Variants in GABRA6 observed in about 807,000 individuals in gnomAD.
GABRA6 encodes gamma-aminobutyric acid receptor subunit alpha-6.
A neutral mutation model predicts 47.3 loss-of-function variants in GABRA6; 45 were observed. The observed-to-expected ratio is 0.95, with a 90% confidence interval of 0.75 to 1.22. The LOEUF (loss-of-function observed/expected upper bound fraction) is 1.22, where lower values mean the gene tolerates loss of function less well. GABRA6 is among the 50% of genes most tolerant of loss of function. The pLI, the probability that GABRA6 is intolerant of heterozygous loss-of-function variation, is 0.00. For missense variants in GABRA6, 583 were observed against 549.3 expected (o/e 1.06, Z -0.61); for synonymous variants, 219 against 194.7 (o/e 1.12, Z -1.04).
At chr5:161,692,232 CG>C (rs1310936324) in intron 8 of GABRA6, 32 bp downstream of exon 8, 5 of 1,613,504 alleles carry the variant, frequency 3.1e-6, no homozygotes, top group African/African-American at 1.3e-5. Context: ...CATTACCTAC[CG>C]TAGGAAAAAG....
intron 8 of GABRA6, among the ~76,000 whole-genome samples, chr5:161,696,351 A>ATTT (rs5872722): frequency 7.1e-6 from 1 of 140,342 alleles, no homozygotes. Flanking sequence ...TATTGCACAG[A>ATTT]TTTTTTTTTT....
In GABRA6 at chr5:161,701,620, A is replaced by T. The variant is rs754111343; in HGVS notation, c.1209A>T (p.Thr403=). ...RAPILQSTPV[T]PPPLSPAFGG... ...CCATCTTACAATCAACACCTGTCAC[A>T]CCCCCACCACTCTCGCCAGCCTTTG... The change falls in exon 9 of 9, where the codon ACA becomes ACT. Residue 403 remains threonine (T), a synonymous_variant. Coordinates refer to ENST00000274545, the MANE Select transcript of GABRA6 (RefSeq NM_000811.3). The T allele has an allele frequency of 6.2e-7, 1 of 1,613,966 alleles. No homozygotes were observed. The highest frequency in any genetic ancestry group is 8.5e-7 in the Non-Finnish European group (1 of 1,180,002).
At chr5:161,688,913 C>A in intron 3 of GABRA6, 36 bp from the exon 4 acceptor site, 1 of 1,561,486 alleles carries the variant, frequency 6.4e-7, no homozygotes, top group Non-Finnish European at 8.8e-7. Context: ...AGCAAACTAT[C>A]TTTCCAGCCC....
Position 161,701,715 on chromosome 5 carries a change from T to A in GABRA6, c.1304T>A (p.Val435Glu), listed in dbSNP as rs1049790299. ...FPVAFAGFNL[V>E]YWVVYLSKDT... ...GTTGCATTTGCAGGATTCAACCTTG[T>A]GTACTGGGTAGTTTATCTTTCCAAA... Residue 435 changes from valine (V) to glutamate (E), a missense_variant, in exon 9 of 9, where the codon GTG (valine) becomes GAG (glutamate). Transcript: ENST00000274545. The A allele has an allele frequency of 5.6e-6, 9 of 1,614,034 alleles. No individual in the cohort carries two copies. The highest frequency in any genetic ancestry group is 1.3e-5 in the African/African-American group (1 of 74,932).
intron 8 of GABRA6, among the ~76,000 whole-genome samples, chr5:161,693,330 C>G (rs1754835368): frequency 6.6e-6 from 1 of 151,682 alleles, no homozygotes; most frequent in Non-Finnish European, 1.5e-5. Context: ...GAGAGGCATC[C>G]CCATAATATG....
intron 8 of GABRA6, among the ~76,000 whole-genome samples, chr5:161,700,825 A>C (rs1754965788): frequency 6.6e-6 from 1 of 152,238 alleles, no homozygotes; most frequent in Admixed American, 6.5e-5. Context: ...GCGGGAAGTA[A>C]GGAGTGTACA....
intron 7 of GABRA6, among the ~76,000 whole-genome samples, chr5:161,691,489 G>T (rs917535830): frequency 2.0e-5 from 3 of 151,218 alleles, no homozygotes; most frequent in Admixed American, 6.6e-5. Flanking sequence ...TAGAGACGGG[G>T]TTTCACCGTG....
At chr5:161,701,108 C>A (rs941745279) in intron 8 of GABRA6, among the ~76,000 whole-genome samples, 5 of 152,116 alleles carry the variant, frequency 3.3e-5, no homozygotes, top group African/African-American at 1.2e-4. Context: ...GGAATTCACC[C>A]CTCCTCCCAA....
intron 6 of GABRA6, 24 bp from the exon 7 acceptor site, chr5:161,690,177 A>G (rs762002353): frequency 6.2e-7 from 1 of 1,609,678 alleles, no homozygotes; most frequent in Non-Finnish European, 8.5e-7. Flanking sequence ...CAGTAATAAT[A>G]CTGATGTATG....
chr5:161,689,739 T>A lies in GABRA6; in HGVS notation c.633T>A (p.Ile211=). The A allele has an allele frequency of 6.2e-7, 1 of 1,613,460 alleles. No individual in the cohort carries two copies. Among genetic ancestry groups the A allele is most frequent in the Non-Finnish European group, 8.5e-7 (1 of 1,179,440 alleles). Residue 211 remains isoleucine, a synonymous_variant, in exon 6 of 9, where the codon ATT becomes ATA. Transcript: ENST00000274545. ...CAAGCCTTCTCCAGTATGATCTGAT[T>A]GGACAAACAGTATCTAGTGAGACAA... The part of the protein sequence containing the change: ...ESSSLLQYDL[I]GQTVSSETIK...
At chr5:161,698,057 C>T (rs1013059207) in intron 8 of GABRA6, among the ~76,000 whole-genome samples, 1 of 152,108 alleles carries the variant, frequency 6.6e-6, no homozygotes, top group African/African-American at 2.4e-5. Context: ...TTTTCATCCC[C>T]CTCTTTGCCT....
rs2113091634 is a variant in GABRA6 at position 161,701,803 on chromosome 5, A to G, written c.*30A>G. The G allele has an allele frequency of 6.2e-7, 1 of 1,611,182 alleles. No homozygotes were observed. Among genetic ancestry groups the G allele is most frequent in the East Asian group, 2.2e-5 (1 of 44,866 alleles). On this transcript the variant is annotated 3_prime_UTR_variant, in exon 9 of 9. Transcript: ENST00000274545. ...CGGCCAGGACAACCTGAATTCTATA[A>G]GTTCTTGTTTTCTGTTTCCTATGTT...
Position 161,686,291 on chromosome 5 carries a change from C to A in GABRA6, c.100C>A (p.Arg34=). The A allele has an allele frequency of 6.2e-7, 1 of 1,614,002 alleles. No homozygotes were observed. The highest frequency in any genetic ancestry group is 1.1e-5 in the South Asian group (1 of 91,050). The change falls in exon 2 of 9, where the codon CGG becomes AGG. Residue 34 remains arginine (R), a synonymous_variant. Coordinates refer to ENST00000274545, the MANE Select transcript of GABRA6 (RefSeq NM_000811.3). ...EGNFYSENVS[R]ILDNLLEGYD... is the part of the protein sequence containing the mutation. ...CAACTTCTACTCAGAAAACGTCAGTCGGATCCTGGACAACTTGCTTGAAGG... is the reference window on the plus strand; with the variant it reads ...CAACTTCTACTCAGAAAACGTCAGTAGGATCCTGGACAACTTGCTTGAAGG...
chr5:161,687,266 T>A (rs957704744), intron 3 of GABRA6: 11 of 480,856 alleles, frequency 2.3e-5, no homozygotes, highest in East Asian at 1.2e-4. Flanking sequence ...AATTCTTCCC[T>A]CCAAAGAGAA....
intron 8 of GABRA6, among the ~76,000 whole-genome samples, chr5:161,701,013 T>C (rs6898571): frequency 0.29 from 43,362 of 152,114 alleles, 6,259 homozygotes; most frequent in Middle Eastern, 0.31. Flanking sequence ...AAGATGAGAA[T>C]GTAGGCTGGG....
At chr5:161,701,263 G>A (rs1208635005) in intron 8 of GABRA6, among the ~76,000 whole-genome samples, 1 of 152,110 alleles carries the variant, frequency 6.6e-6, no homozygotes, top group African/African-American at 2.4e-5. Flanking sequence ...GTTGTTTGCT[G>A]ATGTATTGAG....
chr5:161,686,356 G>A lies in GABRA6; in HGVS notation c.157+8G>A. 6.3e-7 allele frequency: 1 copy of A among 1,597,158 alleles called. No individual in the cohort carries two copies. The highest frequency in any genetic ancestry group is 8.6e-7 in the Non-Finnish European group (1 of 1,164,602). On this transcript the variant is annotated splice_region_variant and intron_variant, in intron 2 of 8. Coordinates refer to ENST00000274545, the MANE Select transcript of GABRA6 (RefSeq NM_000811.3). ...TGCGGCCGGGATTTGGAGGTAAGAAGCTGCATCTTTGCTACACAAACACCT... is the reference window on the plus strand; with the variant it reads ...TGCGGCCGGGATTTGGAGGTAAGAAACTGCATCTTTGCTACACAAACACCT...
At chr5:161,695,328 G>A (rs772824881) in intron 8 of GABRA6, among the ~76,000 whole-genome samples, 2 of 151,936 alleles carry the variant, frequency 1.3e-5, no homozygotes, top group Non-Finnish European at 2.9e-5. Context: ...TTATCTTTCT[G>A]TTTTTAAGAC....
intron 5 of GABRA6, 37 bp downstream of exon 5, chr5:161,689,373 A>G (rs1264096321): frequency 1.3e-6 from 2 of 1,506,828 alleles, no homozygotes; most frequent in African/African-American, 2.7e-5. Context: ...CAAATAATAC[A>G]TCCAAAATAT....
Sources: gnomAD v4.1 joint callset for allele counts (sites outside exome capture counted in the v4.1 genomes callset) on GRCh38, gnomAD v4.1.1 for gene constraint, MANE v1.5 for transcripts, NCBI Gene and HGNC (gene_info 2026-07-23, HGNC 2026-07-21) for gene names.